DCC: variants seen among roughly 807,000 people sequenced by gnomAD.
DCC encodes the protein DCC netrin 1 receptor, also known as netrin receptor DCC.
Under a neutral mutation model 172.5 loss-of-function variants are expected in DCC, and 58 were observed. That is an observed-to-expected ratio of 0.34 (90% CI 0.27 to 0.42). The LOEUF is 0.42. DCC is among the 10% of genes least tolerant of loss of function. DCC has a pLI of 1.00. For synonymous variants in DCC, 709 were observed against 644.5 expected (o/e 1.10, Z -1.52); for missense variants, 1,740 against 1,791.0 (o/e 0.97, Z 0.51).
chr18:52,821,397 G>C (rs1271076598), intron 2 of DCC, among the ~76,000 whole-genome samples: 3 of 152,086 alleles, frequency 2.0e-5, no homozygotes, highest in Non-Finnish European at 4.4e-5. Flanking sequence ...CATTGTAATA[G>C]TTTCCATTAA....
intron 2 of DCC, among the ~76,000 whole-genome samples, chr18:52,874,465 A>G (rs991802617): frequency 1.3e-5 from 2 of 152,196 alleles, no homozygotes; most frequent in African/African-American, 4.8e-5. Flanking sequence ...GTTTTGAGTT[A>G]TAATCAATTT....
At chr18:52,764,524 G>T (rs1421750116) in intron 2 of DCC, among the ~76,000 whole-genome samples, 2 of 152,188 alleles carry the variant, frequency 1.3e-5, no homozygotes, top group Non-Finnish European at 2.9e-5. Context: ...TCCCAGGAGA[G>T]CTGGTTGTTA....
rs1460075483 is a variant in DCC, at chr18:52,497,272, AAAAAAAAAATATATAT to A, written c.91+156396_91+156411del. 5.5e-5 allele frequency among the ~76,000 whole-genome samples: 5 copies of A among 91,134 alleles called. 1 individual carries two copies. The highest frequency in any genetic ancestry group is 8.8e-5 in the Non-Finnish European group (4 of 45,374). 59.8% of individuals were successfully genotyped at this position (91,134 alleles called of 152,430 possible). On this transcript the variant is annotated intron_variant, in intron 1 of 28. Coordinates refer to ENST00000442544, the MANE Select transcript of DCC (RefSeq NM_005215.4). ...TGAGACCCTGTATCAAAAAAAAAAA[AAAAAAAAAATATATAT>A]ATATATATATATATATATATATATA...
At chr18:52,565,397 A>T (rs1406555358) in intron 1 of DCC, among the ~76,000 whole-genome samples, 1 of 152,116 alleles carries the variant, frequency 6.6e-6, no homozygotes, top group Non-Finnish European at 1.5e-5. Flanking sequence ...ATTGTTCTAG[A>T]TCCTTGAGGA....
At chr18:53,523,648 T>A (rs1462320903) in intron 27 of DCC, among the ~76,000 whole-genome samples, 1 of 152,042 alleles carries the variant, frequency 6.6e-6, no homozygotes, top group Non-Finnish European at 1.5e-5. Context: ...CTCAGCAAAC[T>A]AACACAAGAA....
rs114935471 is a variant in DCC, at chr18:53,502,584, G to A, written c.4111+3074G>A. On this transcript the variant is annotated intron_variant, in intron 27 of 28. Transcript: ENST00000442544. ...AGAAAATCATTACTTTCCTCAAACC[G>A]ATTGATGAAGTAAAGTCATTCTCTT... 7.2e-3 allele frequency among the ~76,000 whole-genome samples: 1,099 copies of A among 152,134 alleles called. 12 individuals carry two copies. Among genetic ancestry groups the A allele is most frequent in the African/African-American group, 0.025 (1,055 of 41,490 alleles).
chr18:53,233,792 T>G (rs1034794544), intron 12 of DCC, among the ~76,000 whole-genome samples: 8 of 152,106 alleles, frequency 5.3e-5, no homozygotes, highest in Non-Finnish European at 8.8e-5. Flanking sequence ...ATGAAGCAAA[T>G]ATGTTTGTCA....
intron 2 of DCC, among the ~76,000 whole-genome samples, chr18:52,863,137 C>T (rs551124141): frequency 5.3e-5 from 8 of 151,970 alleles, no homozygotes; most frequent in Admixed American, 1.3e-4. Context: ...CAATTTACAA[C>T]AACTTTTAAA....
At chr18:53,093,721 T>C (rs2043045774) in intron 7 of DCC, among the ~76,000 whole-genome samples, 1 of 152,236 alleles carries the variant, frequency 6.6e-6, no homozygotes, top group Admixed American at 6.5e-5. Context: ...CAGCACAGGC[T>C]GATTGGCATT....
rs532803573 is a variant in DCC at position 52,773,224 on chromosome 18, G to C, written c.412+20850G>C. ...GTGTTAAGATTTATTCTTTAAGTTG[G>C]TTAGATATCAAACTATGATTCTGGC... On this transcript the variant is annotated intron_variant, in intron 2 of 28. Coordinates refer to ENST00000442544, the MANE Select transcript of DCC (RefSeq NM_005215.4). Among the ~76,000 whole-genome samples the C allele has an allele frequency of 2.6e-5, 4 of 152,232 alleles. No individual in the cohort carries two copies. In the East Asian group the frequency reaches 7.7e-4, roughly 29 times the overall value.
At chr18:52,915,881 A>G (rs1023062676) in intron 3 of DCC, among the ~76,000 whole-genome samples, 3 of 152,120 alleles carry the variant, frequency 2.0e-5, no homozygotes, top group African/African-American at 7.2e-5. Flanking sequence ...GATTAATTTT[A>G]TGAGACTGTG....
At chr18:53,409,541 CAATAT>C (rs1392813671) in intron 19 of DCC, among the ~76,000 whole-genome samples, 1 of 151,980 alleles carries the variant, frequency 6.6e-6, no homozygotes, top group Non-Finnish European at 1.5e-5. Context: ...TGTTATCTGG[CAATAT>C]AATATAAAAG....
intron 1 of DCC, among the ~76,000 whole-genome samples, chr18:52,610,402 A>AAAAAAAG (rs2034252823): frequency 7.6e-6 from 1 of 131,282 alleles, no homozygotes; most frequent in African/African-American, 2.8e-5. Context: ...AAAAAAAAAA[A>AAAAAAAG]AAAAAGAAAA....
At chr18:52,488,669 C>T (rs2030348800) in intron 1 of DCC, among the ~76,000 whole-genome samples, 1 of 152,102 alleles carries the variant, frequency 6.6e-6, no homozygotes, top group South Asian at 2.1e-4. Context: ...GTAAAAGTCT[C>T]ACCCCATAGA....
chr18:53,313,512 C>T (rs1002620646), intron 13 of DCC, among the ~76,000 whole-genome samples: 1 of 152,160 alleles, frequency 6.6e-6, no homozygotes, highest in African/African-American at 2.4e-5. Flanking sequence ...TCCCAAAGTG[C>T]TGGGATTACA....
At chr18:53,035,595 T>C (rs1455639845) in intron 5 of DCC, among the ~76,000 whole-genome samples, 3 of 152,152 alleles carry the variant, frequency 2.0e-5, no homozygotes, top group African/African-American at 4.8e-5. Context: ...TCAAATATTA[T>C]GAGCATATTG....
chr18:52,450,837 A>G (rs1988280934), intron 1 of DCC, among the ~76,000 whole-genome samples: 1 of 152,226 alleles, frequency 6.6e-6, no homozygotes, highest in Non-Finnish European at 1.5e-5. Context: ...AGAATAGACT[A>G]TGCTCTGCAG....
At chr18:52,361,986 T>C (rs1337380796) in intron 1 of DCC, among the ~76,000 whole-genome samples, 1 of 152,226 alleles carries the variant, frequency 6.6e-6, no homozygotes, top group East Asian at 1.9e-4. Context: ...ATTTAGGTCA[T>C]GACACACATT....
chr18:53,137,293 A>G (rs531469411), intron 7 of DCC, among the ~76,000 whole-genome samples: 1 of 152,292 alleles, frequency 6.6e-6, no homozygotes, highest in South Asian at 2.1e-4. Context: ...TCCACTTCCA[A>G]TCTCTCAGAT....
Sources: gnomAD v4.1 joint callset for allele counts (sites outside exome capture counted in the v4.1 genomes callset) on GRCh38, gnomAD v4.1.1 for gene constraint, MANE v1.5 for transcripts, NCBI Gene and HGNC (gene_info 2026-07-23, HGNC 2026-07-21) for gene names.